SDHA: variants seen among roughly 807,000 people sequenced by gnomAD.
The protein encoded by SDHA is succinate dehydrogenase [ubiquinone] flavoprotein subunit, mitochondrial.
Under a neutral mutation model 78.4 loss-of-function variants are expected in SDHA, and 48 were observed. The observed-to-expected ratio is 0.61, with a 90% CI of 0.49 to 0.78. The LOEUF (loss-of-function observed/expected upper bound fraction) is 0.78, where lower values mean the gene tolerates loss of function less well. SDHA is among the 30% of genes least tolerant of loss of function. The pLI, the probability that SDHA is intolerant of heterozygous loss-of-function variation, is 0.00. For synonymous variants in SDHA, 326 were observed against 353.9 expected (o/e 0.92, Z 0.88); for missense variants, 680 against 892.7 (o/e 0.76, Z 3.04).
Position 230,859 on chromosome 5 carries a change from C to T in SDHA, c.771-17C>T, listed in dbSNP as rs1157037903. ...TGTGGGCCGCTGTGTGCAGTCACTG[C>T]TCTCTATTGTTTCCAGAGGCTACGG... On this transcript the variant is annotated splice_polypyrimidine_tract_variant and intron_variant, in intron 6 of 14. Transcript: ENST00000264932. The T allele has an allele frequency of 1.9e-6, 3 of 1,613,420 alleles. No individual in the cohort carries two copies. Among genetic ancestry groups the T allele is most frequent in the South Asian group, 1.1e-5 (1 of 91,088 alleles).
intron 7 of SDHA, among the ~76,000 whole-genome samples, chr5:232,942 C>T (rs184729693): frequency 4.7e-4 from 72 of 152,290 alleles, no homozygotes; most frequent in Non-Finnish European, 9.1e-4. Flanking sequence ...TTGCTTGTCA[C>T]TGAGAAAGGG....
intron 1 of SDHA, among the ~76,000 whole-genome samples, chr5:219,920 A>G (rs1734618253): frequency 6.6e-6 from 1 of 152,234 alleles, no homozygotes. Context: ...TGATGAAGTT[A>G]GCTTTTCCTA....
rs146519014 is a variant in SDHA, at chr5:225,190, C to T, written c.313-229C>T. ...CCTGGAGTTCCCTGTGTCTCCACCACGCAGATGAGGAGACTGAGGCTAAGG... is the reference window on the plus strand; with the variant it reads ...CCTGGAGTTCCCTGTGTCTCCACCATGCAGATGAGGAGACTGAGGCTAAGG... On this transcript the variant is annotated intron_variant, in intron 3 of 14. Transcript: ENST00000264932. Among the ~76,000 whole-genome samples the T allele has an allele frequency of 5.7e-3, 871 of 151,762 alleles. 10 individuals carry two copies. Among genetic ancestry groups the T allele is most frequent in the African/African-American group, 0.021 (854 of 41,230 alleles).
intron 11 of SDHA, among the ~76,000 whole-genome samples, chr5:247,502 C>T (rs1736535485): frequency 6.6e-6 from 1 of 152,260 alleles, no homozygotes; most frequent in Admixed American, 6.5e-5. Flanking sequence ...AACGCAGATA[C>T]AGCAGTACCC....
rs530050832 is a variant in SDHA at position 243,656 on chromosome 5, A to T, written c.1551+3180A>T. ...TACGCTGATTTTATAGCTCGGTTAC[A>T]GGAGTCTCTTAAAAAGGTGATCGCA... is the stretch of plus-strand genomic sequence containing the variant. On this transcript the variant is annotated intron_variant, in intron 11 of 14. Transcript: ENST00000264932. Among the ~76,000 whole-genome samples, 13 of 152,346 alleles carry T rather than the reference A, an allele frequency of 8.5e-5. No individual in the cohort carries two copies. The South Asian group carries it at 2.3e-3, about 27-fold the overall frequency.
intron 11 of SDHA, chr5:249,172 C>T: frequency 2.7e-6 from 1 of 365,628 alleles, no homozygotes; most frequent in Non-Finnish European, 5.2e-6. Context: ...TGGATAAAAA[C>T]ACTTGGAAGC....
chr5:251,235 C>T, intron 12 of SDHA, 103 bp from the exon 13 acceptor site: 1 of 1,506,628 alleles, frequency 6.6e-7, no homozygotes, highest in Middle Eastern at 2.4e-4. Flanking sequence ...AGCTATAAAG[C>T]CACAACCAGT....
chr5:257,609 C>G (rs1737290914), downstream of SDHA, among the ~76,000 whole-genome samples: 1 of 121,900 alleles, frequency 8.2e-6, no homozygotes, highest in Non-Finnish European at 1.6e-5. Flanking sequence ...GTGAGCTCCA[C>G]CCCCTGCCAG....
chr5:218,854 G>A (rs1734543719), intron 1 of SDHA, among the ~76,000 whole-genome samples: 1 of 152,166 alleles, frequency 6.6e-6, no homozygotes, highest in South Asian at 2.1e-4. Flanking sequence ...CTCTGTGCGG[G>A]TTGTCCTGAG....
rs1403943896 is a variant in SDHA at position 256,937 on chromosome 5, T to C, written c.*517T>C. 6.6e-6 allele frequency among the ~76,000 whole-genome samples: 1 copy of C among 151,648 alleles called. No homozygotes were observed. The highest frequency in any genetic ancestry group is 1.5e-5 in the Non-Finnish European group (1 of 67,958). ...TTCCTGACTCAGCCTTCTGAGTAGT[T>C]GGGGCTACAGGTGTGCACCACCATG... On this transcript the variant is annotated 3_prime_UTR_variant, in exon 15 of 15. Transcript: ENST00000264932.
intron 5 of SDHA, among the ~76,000 whole-genome samples, chr5:227,447 C>G (rs1735102224): frequency 6.6e-6 from 1 of 152,184 alleles, no homozygotes; most frequent in Non-Finnish European, 1.5e-5. Context: ...ATATTCTGAA[C>G]TTTGTTGTTT....
intron 5 of SDHA, among the ~76,000 whole-genome samples, chr5:227,040 TCA>T (rs1212783326): frequency 5.3e-5 from 8 of 151,770 alleles, no homozygotes; most frequent in African/African-American, 1.7e-4. Context: ...AGACGGAGTC[TCA>T]CTCTGTCACC....
intron 4 of SDHA, 83 bp from the exon 5 acceptor site, chr5:225,800 T>C (rs1734981184): frequency 6.4e-7 from 1 of 1,562,380 alleles, no homozygotes; most frequent in Admixed American, 1.7e-5. Context: ...AGATTTGTGT[T>C]AAACTTGTTT....
In SDHA at chr5:244,343, A is replaced by G. The variant is rs369214563; in HGVS notation, c.1551+3867A>G. ...TCTAGTTTAAGTTTAAAAGGGTACAAATACATAGAGGAGTCATTGATTCAG... is the reference window on the plus strand; with the variant it reads ...TCTAGTTTAAGTTTAAAAGGGTACAGATACATAGAGGAGTCATTGATTCAG... On this transcript the variant is annotated intron_variant, in intron 11 of 14. Transcript: ENST00000264932. Among the ~76,000 whole-genome samples, 8 of 152,036 alleles carry G rather than the reference A, an allele frequency of 5.3e-5. No homozygotes were observed. In the East Asian group the frequency reaches 7.8e-4, roughly 15 times the overall value.
At chr5:223,044 A>C (rs1297168755) in intron 1 of SDHA, among the ~76,000 whole-genome samples, 3 of 152,224 alleles carry the variant, frequency 2.0e-5, no homozygotes, top group Non-Finnish European at 4.4e-5. Context: ...CTCCTGGACG[A>C]TTGGAACTGT....
Position 251,455 on chromosome 5 carries a change from G to C in SDHA, c.1781G>C (p.Arg594Thr). 1 of 1,614,004 alleles carries C rather than the reference G, an allele frequency of 6.2e-7. No homozygotes were observed. The highest frequency in any genetic ancestry group is 1.7e-4 in the Middle Eastern group (1 of 6,056). Residue 594 changes from arginine (R) to threonine (T), a missense_variant, in exon 13 of 15, where the codon AGG becomes ACG. Coordinates refer to ENST00000264932, the MANE Select transcript of SDHA (RefSeq NM_004168.4). ...ARKESRGAHA[R>T]EDYKVRIDEY... ...AAGGAGTCACGGGGCGCGCATGCCA[G>C]GGAAGACTACAAGGTGGGCCTTCTC...
chr5:237,758 C>T (rs1445753537), intron 10 of SDHA, among the ~76,000 whole-genome samples: 2 of 136,538 alleles, frequency 1.5e-5, no homozygotes, highest in African/African-American at 3.5e-5. Flanking sequence ...AACTTATAAA[C>T]GTGCCCCCTT....
intron 11 of SDHA, among the ~76,000 whole-genome samples, chr5:246,580 C>G (rs1185575743): frequency 6.6e-6 from 1 of 152,242 alleles, no homozygotes; most frequent in Non-Finnish European, 1.5e-5. Flanking sequence ...TCTAGATTTG[C>G]TAATTTTTCC....
At position 225,547 on chromosome 5, in the gene SDHA, C is replaced by T. The variant is rs201453889; in HGVS notation, c.441C>T (p.Pro147=). ...TCCACTACATGACGGAGCAGGCCCC[C>T]GCCGCCGTGGTCGAGGTGATGGGCG... ...DAIHYMTEQA[P]AAVVELENYG... is the part of the protein sequence containing the mutation. Residue 147 remains proline, a synonymous_variant, in exon 4 of 15, where the codon CCC becomes CCT. Coordinates refer to ENST00000264932, the MANE Select transcript of SDHA (RefSeq NM_004168.4). 9.5e-5 allele frequency: 154 copies of T among 1,613,868 alleles called. No individual in the cohort carries two copies. The East Asian group carries it at 1.4e-3, about 14-fold the overall frequency.
Sources: gnomAD v4.1 joint callset for allele counts (sites outside exome capture counted in the v4.1 genomes callset) on GRCh38, gnomAD v4.1.1 for gene constraint, MANE v1.5 for transcripts, NCBI Gene and HGNC (gene_info 2026-07-23, HGNC 2026-07-21) for gene names.